HECTD2: variants seen among roughly 807,000 people sequenced by gnomAD.
HECTD2 encodes the protein HECT domain E3 ubiquitin protein ligase 2, also known as probable E3 ubiquitin-protein ligase HECTD2.
Under a neutral mutation model 103.2 loss-of-function variants are expected in HECTD2, and 35 were observed. The observed-to-expected ratio is 0.34, with a 90% CI of 0.26 to 0.45. HECTD2 has a LOEUF of 0.45. Among genes scored for constraint, HECTD2 ranks in the 20% least tolerant of loss-of-function variants. HECTD2 has a pLI of 1.00. For synonymous variants in HECTD2, 281 were observed against 329.9 expected (o/e 0.85, Z 1.61); for missense variants, 596 against 937.4 (o/e 0.64, Z 4.76).
At chr10:91,450,638 C>CTAA (rs1844772340) in intron 2 of HECTD2, among the ~76,000 whole-genome samples, 1 of 151,182 alleles carries the variant, frequency 6.6e-6, no homozygotes, top group South Asian at 2.1e-4. Context: ...TGACAAAGGG[C>CTAA]TAATATCCAG....
intron 2 of HECTD2, among the ~76,000 whole-genome samples, chr10:91,432,928 C>G (rs1449816054): frequency 6.6e-6 from 1 of 151,976 alleles, no homozygotes; most frequent in Non-Finnish European, 1.5e-5. Context: ...GTCCTGTGAT[C>G]TTCACAGGTC....
chr10:91,444,945 T>C (rs546815405), intron 2 of HECTD2, among the ~76,000 whole-genome samples: 11 of 152,206 alleles, frequency 7.2e-5, no homozygotes, highest in South Asian at 2.1e-4. Flanking sequence ...TAATATACTG[T>C]TGCCAATTTT....
In HECTD2 at chr10:91,501,353, T is replaced by C. The variant is rs1427759206; in HGVS notation, c.2210+19T>C. On this transcript the variant is annotated intron_variant, in intron 20 of 20. Transcript: ENST00000298068. ...CTAACTGGTAAATTTCTGGATCTAA[T>C]TTTATTTTAAATCTAAAGGTTACTG... The C allele has an allele frequency of 3.3e-6, 5 of 1,510,636 alleles. No individual in the cohort carries two copies. The African/African-American group carries it at 7.0e-5, about 21-fold the overall frequency. 93.6% of individuals were successfully genotyped at this position (1,510,636 alleles called of 1,614,324 possible).
intron 6 of HECTD2, among the ~76,000 whole-genome samples, chr10:91,480,216 T>C (rs1846043180): frequency 6.6e-6 from 1 of 152,062 alleles, no homozygotes; most frequent in South Asian, 2.1e-4. Flanking sequence ...AACCTACTCA[T>C]ACAATTTATT....
chr10:91,490,142 A>G (rs1846411784), intron 11 of HECTD2, among the ~76,000 whole-genome samples: 1 of 152,092 alleles, frequency 6.6e-6, no homozygotes, highest in African/African-American at 2.4e-5. Flanking sequence ...ATTTTAGTAA[A>G]TTTTCTTTTG....
chr10:91,434,719 G>A (rs534399824), intron 2 of HECTD2, among the ~76,000 whole-genome samples: 243 of 151,928 alleles, frequency 1.6e-3, no homozygotes, highest in Non-Finnish European at 3.1e-3. Flanking sequence ...ATAGTATAAG[G>A]TTTGGCATTG....
intron 11 of HECTD2, chr10:91,488,255 G>A (rs1846336368): frequency 6.5e-6 from 1 of 152,964 alleles, no homozygotes; most frequent in South Asian, 2.0e-4. Flanking sequence ...CAAAGAAGGT[G>A]AAAGATGTTT....
intron 20 of HECTD2, among the ~76,000 whole-genome samples, chr10:91,509,051 A>C (rs1467895162): frequency 2.0e-5 from 3 of 147,050 alleles, no homozygotes; most frequent in Non-Finnish European, 4.5e-5. Flanking sequence ...GCATATTCTC[A>C]CTCATAGGTG....
At position 91,410,476 on chromosome 10, in the gene HECTD2, C is replaced by T; in HGVS notation, c.38C>T (p.Pro13Leu). 2 of 1,467,732 alleles carry T rather than the reference C, an allele frequency of 1.4e-6. No homozygotes were observed. Among genetic ancestry groups the T allele is most frequent in the Non-Finnish European group, 1.8e-6 (2 of 1,114,016 alleles). 90.9% of individuals were successfully genotyped at this position (1,467,732 alleles called of 1,614,324 possible). ...GTTCGGGTACCCTCGCCCGCCACTCCGCTGGTGGTGGCGGCGCCCGCGCCT... is the reference window on the plus strand; with the variant it reads ...GTTCGGGTACCCTCGCCCGCCACTCTGCTGGTGGTGGCGGCGCCCGCGCCT... ...EAVRVPSPATPLVVAAPAPEE... is the reference protein window; with the variant it reads ...EAVRVPSPATLLVVAAPAPEE... The change falls in exon 1 of 21, where the codon CCG becomes CTG. Residue 13 changes from proline to leucine, a missense_variant. Around this residue, in one of 4 missense-constraint regions of HECTD2, gnomAD observed 220 missense variants for 233.9 expected, o/e 0.94. Transcript: ENST00000298068.
intron 2 of HECTD2, among the ~76,000 whole-genome samples, chr10:91,433,825 T>C (rs942779291): frequency 2.6e-5 from 4 of 151,972 alleles, no homozygotes; most frequent in Admixed American, 6.6e-5. Context: ...GTTAATAATT[T>C]ACTGAATAAG....
chr10:91,499,310 G>T (rs540372002), intron 18 of HECTD2, among the ~76,000 whole-genome samples, 160 bp downstream of exon 18: 1 of 152,110 alleles, frequency 6.6e-6, no homozygotes, highest in East Asian at 1.9e-4. Context: ...TCTCATTTCA[G>T]TCTTAATTCT....
At chr10:91,438,647 C>T (rs978599177) in intron 2 of HECTD2, among the ~76,000 whole-genome samples, 8 of 152,100 alleles carry the variant, frequency 5.3e-5, no homozygotes, top group African/African-American at 1.4e-4. Context: ...CTTGAGGAAT[C>T]GCCACACTGT....
At chr10:91,505,745 A>G (rs1200395885) in intron 20 of HECTD2, among the ~76,000 whole-genome samples, 1 of 152,012 alleles carries the variant, frequency 6.6e-6, no homozygotes, top group African/African-American at 2.4e-5. Context: ...ATACCCAGGA[A>G]TTGAACTCAG....
intron 2 of HECTD2, among the ~76,000 whole-genome samples, chr10:91,452,282 G>C (rs1483203716): frequency 1.3e-5 from 2 of 152,022 alleles, no homozygotes; most frequent in East Asian, 1.9e-4. Flanking sequence ...GATTCAAGAA[G>C]CTAAACAAAC....
intron 5 of HECTD2, among the ~76,000 whole-genome samples, chr10:91,464,870 T>A (rs767310206): frequency 1.1e-4 from 17 of 152,164 alleles, no homozygotes; most frequent in Non-Finnish European, 1.9e-4. Context: ...ATGTTATATA[T>A]GTTAAAAAAT....
chr10:91,498,464 GC>G (rs1846768917), intron 16 of HECTD2, among the ~76,000 whole-genome samples: 1 of 152,124 alleles, frequency 6.6e-6, no homozygotes, highest in Admixed American at 6.5e-5. Context: ...CTAAAAATAA[GC>G]CTCTCCTGTA....
chr10:91,425,454 AATT>A, intron 2 of HECTD2, 44 bp downstream of exon 2: 1 of 1,341,372 alleles, frequency 7.5e-7, no homozygotes, highest in Non-Finnish European at 1.0e-6. Context: ...TATATTTTTA[AATT>A]ATTTTTAAAA....
intron 20 of HECTD2, among the ~76,000 whole-genome samples, chr10:91,501,730 T>C (rs1846907097): frequency 6.6e-6 from 1 of 151,798 alleles, no homozygotes. Context: ...TTCTAGGGGG[T>C]TGGGGGATAC....
chr10:91,440,623 T>C (rs1156369892), intron 2 of HECTD2, among the ~76,000 whole-genome samples: 1 of 130,044 alleles, frequency 7.7e-6, no homozygotes, highest in African/African-American at 3.0e-5. Flanking sequence ...CCTCTTTTTC[T>C]GTTGTTTAGA....
Sources: allele counts gnomAD v4.1 joint callset (sites outside exome capture counted in the v4.1 genomes callset), GRCh38; gene constraint gnomAD v4.1.1; regional missense constraint gnomAD v4.1.1; transcripts MANE v1.5; gene names NCBI Gene and HGNC (gene_info 2026-07-23, HGNC 2026-07-21).